The following PIEZO2 variants were observed in gnomAD, a reference collection of about 807,000 sequenced individuals.
PIEZO2 encodes the protein piezo type mechanosensitive ion channel component 2.
PIEZO2 carries 172 observed loss-of-function variants against 337.3 expected under a neutral mutation model. The ratio of observed to expected loss-of-function variants is 0.51; its 90% CI spans 0.45 to 0.58. The LOEUF (loss-of-function observed/expected upper bound fraction) is 0.58. Among genes scored for constraint, PIEZO2 ranks in the 20% least tolerant of loss-of-function variants. The pLI, the probability that PIEZO2 is intolerant of heterozygous loss-of-function variation, is 0.00. For synonymous variants in PIEZO2, 1,251 were observed against 1,228.5 expected, an observed-to-expected ratio of 1.02 and a Z score of -0.38; for missense variants, 3,028 against 3,391.3, an observed-to-expected ratio of 0.89 and a Z score of 2.66.
At position 11,102,433 on chromosome 18, in the gene PIEZO2, G is replaced by T. The variant is rs1033152954; in HGVS notation, c.65-36211C>A. Among the ~76,000 whole-genome samples, 1 of 152,130 alleles carries T rather than the reference G, an allele frequency of 6.6e-6. No homozygotes were observed. Among genetic ancestry groups the T allele is most frequent in the East Asian group, 1.9e-4 (1 of 5,176 alleles). On this transcript the variant is annotated intron_variant, in intron 1 of 55. Coordinates refer to ENST00000674853, the MANE Select transcript of PIEZO2 (RefSeq NM_001378183.1). This position sits in a 1 kb window ranked among gnomAD's most constrained non-coding sequence, Gnocchi z 5.7. Reference sequence around the variant, plus strand: ...CAAAACCCTGATCTGATTGAAGATCGAATCTCACCCTGTCCCCCACCAGGC... The same window carrying T: ...CAAAACCCTGATCTGATTGAAGATCTAATCTCACCCTGTCCCCCACCAGGC...
intron 1 of PIEZO2, among the ~76,000 whole-genome samples, chr18:11,086,020 T>C (rs913870604): frequency 3.9e-5 from 6 of 152,012 alleles, no homozygotes; most frequent in Non-Finnish European, 8.8e-5. Context: ...CCTGACAGAG[T>C]GAGTCATCAA....
chr18:10,685,643 C>A (rs2034515135), intron 49 of PIEZO2, among the ~76,000 whole-genome samples: 1 of 152,188 alleles, frequency 6.6e-6, no homozygotes, highest in African/African-American at 2.4e-5. Context: ...CTTCTTCCAA[C>A]AAACACGGTC....
intron 2 of PIEZO2, among the ~76,000 whole-genome samples, chr18:11,053,494 C>T (rs188334403): frequency 6.0e-4 from 92 of 152,278 alleles, no homozygotes; most frequent in African/African-American, 1.9e-3. Flanking sequence ...CGCAACATTG[C>T]CTAGACTGGC....
chr18:10,693,028 ATTTAGGCCT>A lies in PIEZO2; in HGVS notation c.7191-1654_7191-1646del, dbSNP rs1361733052. On this transcript the variant is annotated intron_variant, in intron 47 of 55. Coordinates refer to ENST00000674853, the MANE Select transcript of PIEZO2 (RefSeq NM_001378183.1). ...GCATGAATTTAAGTCTTCTTGATTT[ATTTAGGCCT>A]TCTTTAATTTCTCTCAGCCATGCCT... Among the ~76,000 whole-genome samples the A allele has an allele frequency of 9.9e-5, 15 of 152,204 alleles. No homozygotes were observed. The East Asian group carries it at 2.9e-3, about 29-fold the overall frequency.
At chr18:11,079,891 T>C (rs968473889) in intron 1 of PIEZO2, among the ~76,000 whole-genome samples, 1 of 152,248 alleles carries the variant, frequency 6.6e-6, no homozygotes, top group Non-Finnish European at 1.5e-5. Flanking sequence ...AGAATGACTG[T>C]TGCAGTGTGC....
In PIEZO2 at chr18:10,726,312, C is replaced by A; in HGVS notation, c.5029+5095G>T. 8.4e-7 allele frequency: 1 copy of A among 1,195,110 alleles called. No homozygotes were observed. The highest frequency in any genetic ancestry group is 1.2e-6 in the Non-Finnish European group (1 of 853,740). 74.0% of individuals were successfully genotyped at this position (1,195,110 alleles called of 1,614,324 possible). Reference sequence around the variant, plus strand: ...CGGCCAGAGCCCCGGCCAGGTGGAGCAGGTGGGTCCCCGAACGCCCCGCCC... The same window carrying A: ...CGGCCAGAGCCCCGGCCAGGTGGAGAAGGTGGGTCCCCGAACGCCCCGCCC... On this transcript the variant is annotated intron_variant, in intron 36 of 55. Transcript: ENST00000674853. The surrounding 1 kb of genome is among the most constrained non-coding windows in gnomAD (Gnocchi z 5.9).
At chr18:11,057,112 G>A (rs887763073) in intron 2 of PIEZO2, among the ~76,000 whole-genome samples, 1 of 151,828 alleles carries the variant, frequency 6.6e-6, no homozygotes, top group African/African-American at 2.4e-5. Context: ...GTTGCACAGA[G>A]TGCCATTTCT....
rs748046636 is a variant in PIEZO2, at chr18:10,696,210, T to C, written c.7054A>G (p.Ile2352Val). 3 of 1,614,008 alleles carry C rather than the reference T, an allele frequency of 1.9e-6. No individual in the cohort carries two copies. Among genetic ancestry groups the C allele is most frequent in the Non-Finnish European group, 1.7e-6 (2 of 1,179,968 alleles). The part of the protein sequence containing the change: ...VPGPFLVMVL[I>V]QFGTMVVDRA... Reference sequence around the variant, plus strand: ...TCCACCACCATGGTTCCAAACTGAATGAGGACCATCACCAAAAACGGCCCC... The same window carrying C: ...TCCACCACCATGGTTCCAAACTGAACGAGGACCATCACCAAAAACGGCCCC... The change falls in exon 47 of 56, where the codon ATT becomes GTT. Residue 2352 changes from isoleucine (I) to valine (V), a missense_variant. By Grantham distance (29) the Ile-to-Val change is conservative. This residue lies in a region of PIEZO2 where 179 missense variants were observed against 281.8 expected (regional missense o/e 0.64). Transcript: ENST00000674853.
At chr18:10,769,931 T>C (rs1444660348) in intron 21 of PIEZO2, 5 of 492,990 alleles carry the variant, frequency 1.0e-5, no homozygotes, top group South Asian at 3.9e-5. Context: ...GCCTTTGTAA[T>C]ATGACCAAGC....
In PIEZO2 at chr18:10,775,805, A is replaced by G. The variant is rs1342128898; in HGVS notation, c.2535-1767T>C. 6.6e-6 allele frequency among the ~76,000 whole-genome samples: 1 copy of G among 152,168 alleles called. No homozygotes were observed. The highest frequency in any genetic ancestry group is 2.4e-5 in the African/African-American group (1 of 41,452). On this transcript the variant is annotated intron_variant, in intron 18 of 55. Coordinates refer to ENST00000674853, the MANE Select transcript of PIEZO2 (RefSeq NM_001378183.1). This position sits in a 1 kb window ranked among gnomAD's most constrained non-coding sequence, Gnocchi z 4.3. ...GACAAGATGCAGCTGCGGACAAATG[A>G]GAAGGGCATCTCTGCATCCAACACT...
At chr18:10,751,982 C>G (rs111930140) in intron 28 of PIEZO2, among the ~76,000 whole-genome samples, 4 of 151,992 alleles carry the variant, frequency 2.6e-5, no homozygotes, top group South Asian at 2.1e-4. Context: ...CAAGCTTCGT[C>G]GGGGCCTGGT....
intron 2 of PIEZO2, among the ~76,000 whole-genome samples, chr18:11,060,222 A>G (rs1258715910): frequency 1.3e-5 from 2 of 152,252 alleles, no homozygotes; most frequent in East Asian, 3.8e-4. Context: ...GAACAAAGAC[A>G]CAACGTACCA....
chr18:11,123,466 T>C (rs955208050), intron 1 of PIEZO2, among the ~76,000 whole-genome samples: 16 of 152,194 alleles, frequency 1.1e-4, no homozygotes, highest in Non-Finnish European at 1.5e-5. Flanking sequence ...TCTATATTCA[T>C]GTGAAATGTG....
chr18:10,754,888 T>C (rs2037775427), intron 27 of PIEZO2, among the ~76,000 whole-genome samples: 1 of 152,176 alleles, frequency 6.6e-6, no homozygotes, highest in African/African-American at 2.4e-5. Flanking sequence ...TGCCTATGTC[T>C]CATCTCGTTG....
intron 1 of PIEZO2, among the ~76,000 whole-genome samples, chr18:11,088,702 A>G (rs2038982252): frequency 6.6e-6 from 1 of 152,202 alleles, no homozygotes; most frequent in Admixed American, 6.5e-5. Flanking sequence ...AAAGGAGACT[A>G]GAGAACCACA....
In PIEZO2 at chr18:11,110,409, C is replaced by T. The variant is rs1245949265; in HGVS notation, c.64+38116G>A. Among the ~76,000 whole-genome samples, 1 of 152,246 alleles carries T rather than the reference C, an allele frequency of 6.6e-6. No individual in the cohort carries two copies. The highest frequency in any genetic ancestry group is 6.5e-5 in the Admixed American group (1 of 15,280). ...CACCCTGGGAGTTGGGCCTCCCCCG[C>T]ATTCTGGCTGACAGGGCTTCAGCAT... is the stretch of plus-strand genomic sequence containing the variant. On this transcript the variant is annotated intron_variant, in intron 1 of 55. Transcript: ENST00000674853. This position sits in a 1 kb window ranked among gnomAD's most constrained non-coding sequence, Gnocchi z 4.2.
intron 2 of PIEZO2, among the ~76,000 whole-genome samples, chr18:11,010,183 T>G (rs1273786606): frequency 6.6e-6 from 1 of 152,146 alleles, no homozygotes; most frequent in African/African-American, 2.4e-5. Flanking sequence ...AAACACCTAC[T>G]AGGTACTGGT....
chr18:10,924,363 T>G (rs2031600975), intron 3 of PIEZO2, among the ~76,000 whole-genome samples: 1 of 152,226 alleles, frequency 6.6e-6, no homozygotes, highest in Non-Finnish European at 1.5e-5. Context: ...GAATGTGTAT[T>G]AAGGTCAAAT....
At chr18:11,012,259 A>G (rs900745393) in intron 2 of PIEZO2, among the ~76,000 whole-genome samples, 1 of 152,216 alleles carries the variant, frequency 6.6e-6, no homozygotes, top group Non-Finnish European at 1.5e-5. Flanking sequence ...CAGCTAAAGT[A>G]TTTACCCAAA....
Sources: gnomAD v4.1 joint callset for allele counts (sites outside exome capture counted in the v4.1 genomes callset) on GRCh38, gnomAD v4.1.1 for gene constraint, gnomAD v4.1.1 regional missense constraint, Gnocchi (gnomAD v3.1) non-coding constraint, MANE v1.5 for transcripts, NCBI Gene and HGNC (gene_info 2026-07-23, HGNC 2026-07-21) for gene names.